LRP1B: variants seen among roughly 807,000 people sequenced by gnomAD.
LRP1B encodes low-density lipoprotein receptor-related protein 1B.
A neutral mutation model predicts 556.6 loss-of-function variants in LRP1B; 217 were observed. The ratio of observed to expected loss-of-function variants is 0.39; its 90% CI spans 0.35 to 0.44. The LOEUF is 0.44. Ranked by LOEUF, LRP1B falls within the 20% of genes least tolerant of loss-of-function variation. LRP1B has a pLI of 1.00. For missense variants in LRP1B, 5,053 were observed against 5,620.8 expected (o/e 0.90, Z 3.23); for synonymous variants, 2,047 against 1,865.8 (o/e 1.10, Z -2.50).
At chr2:140,420,890 T>C (rs765127936) in intron 66 of LRP1B, among the ~76,000 whole-genome samples, 29 of 152,162 alleles carry the variant, frequency 1.9e-4, no homozygotes, top group Non-Finnish European at 3.2e-4. Context: ...AAGTCCGTTA[T>C]CTTGATTGTG....
At chr2:141,512,978 A>C (rs1048743055) in intron 2 of LRP1B, among the ~76,000 whole-genome samples, 1 of 152,118 alleles carries the variant, frequency 6.6e-6, no homozygotes, top group African/African-American at 2.4e-5. Context: ...GGAACTCCTA[A>C]AACCATCAAA....
At chr2:141,183,790 T>G (rs1681116559) in intron 7 of LRP1B, among the ~76,000 whole-genome samples, 1 of 152,076 alleles carries the variant, frequency 6.6e-6, no homozygotes, top group Non-Finnish European at 1.5e-5. Context: ...AACCTGGGTT[T>G]TATCAATGGT....
intron 2 of LRP1B, among the ~76,000 whole-genome samples, chr2:141,773,505 A>T (rs1298913922): frequency 6.6e-6 from 1 of 152,236 alleles, no homozygotes; most frequent in African/African-American, 2.4e-5. Flanking sequence ...ACTACAAAGT[A>T]GCAAAGGATC....
rs183256222 is a variant in LRP1B at position 140,235,859 on chromosome 2, T to C, written c.13561-975A>G. Among the ~76,000 whole-genome samples, 138 of 151,136 alleles carry C rather than the reference T, an allele frequency of 9.1e-4. 4 individuals carry two copies. The East Asian group carries it at 0.025, about 27-fold the overall frequency. On this transcript the variant is annotated intron_variant, in intron 89 of 90. Coordinates refer to ENST00000389484, the MANE Select transcript of LRP1B (RefSeq NM_018557.3). Reference sequence around the variant, plus strand: ...AATGTGTAAAGTATATCGTCATTAGTCTGTTATATGTATGAATACTATATT... The same window carrying C: ...AATGTGTAAAGTATATCGTCATTAGCCTGTTATATGTATGAATACTATATT...
intron 1 of LRP1B, among the ~76,000 whole-genome samples, chr2:142,036,644 T>C (rs1703892121): frequency 6.6e-6 from 1 of 151,710 alleles, no homozygotes; most frequent in Non-Finnish European, 1.5e-5. Flanking sequence ...ATTTTATACA[T>C]TGCATTTTTT....
intron 2 of LRP1B, among the ~76,000 whole-genome samples, chr2:141,633,201 G>A (rs1457148919): frequency 6.6e-6 from 1 of 152,142 alleles, no homozygotes; most frequent in Non-Finnish European, 1.5e-5. Flanking sequence ...AAAGGAGAAA[G>A]CTTTTCAAAT....
intron 31 of LRP1B, among the ~76,000 whole-genome samples, chr2:140,824,126 AAAT>A (rs1691424251): frequency 3.6e-5 from 2 of 55,746 alleles, no homozygotes; most frequent in African/African-American, 7.6e-5. Context: ...GAATTTAAAA[AAAT>A]AAAAAAAAAT....
chr2:141,896,035 A>G (rs1469704235), intron 1 of LRP1B, among the ~76,000 whole-genome samples: 1 of 152,178 alleles, frequency 6.6e-6, no homozygotes, highest in African/African-American at 2.4e-5. Flanking sequence ...TGCTAACAGA[A>G]AAGTTTCCAA....
chr2:141,407,752 G>A (rs979254112), intron 3 of LRP1B, among the ~76,000 whole-genome samples: 2 of 152,176 alleles, frequency 1.3e-5, no homozygotes, highest in African/African-American at 4.8e-5. Context: ...AAGGCTTGAA[G>A]AACTTTGAAC....
Position 141,003,529 on chromosome 2 carries a change from A to C in LRP1B, c.2503+1806T>G, listed in dbSNP as rs112683055. On this transcript the variant is annotated intron_variant, in intron 15 of 90. Coordinates refer to ENST00000389484, the MANE Select transcript of LRP1B (RefSeq NM_018557.3). ...AAGTCTTTCTCATGTTGTTCTCATG[A>C]TAATGAATAAGACTCATGAGATCTG... Among the ~76,000 whole-genome samples, 481 of 152,176 alleles carry C rather than the reference A, an allele frequency of 3.2e-3. 3 individuals are homozygous for C. Among genetic ancestry groups the C allele is most frequent in the African/African-American group, 0.01 (422 of 41,546 alleles).
At chr2:140,402,091 C>T (rs73964214) in intron 66 of LRP1B, among the ~76,000 whole-genome samples, 27,143 of 152,126 alleles carry the variant, frequency 0.18, 2,539 homozygotes, top group East Asian at 0.32. Flanking sequence ...GGGAGTCTCA[C>T]TGGATAGCTA....
chr2:140,807,925 C>T (rs1690779860), intron 32 of LRP1B, among the ~76,000 whole-genome samples: 1 of 151,992 alleles, frequency 6.6e-6, no homozygotes, highest in South Asian at 2.1e-4. Flanking sequence ...AACCCCGTCT[C>T]TACTGAAAAT....
intron 3 of LRP1B, among the ~76,000 whole-genome samples, chr2:141,403,181 T>A (rs910516350): frequency 6.6e-6 from 1 of 152,060 alleles, no homozygotes; most frequent in Non-Finnish European, 1.5e-5. Context: ...GTCACCTATG[T>A]AGTTGGGGAA....
intron 3 of LRP1B, among the ~76,000 whole-genome samples, chr2:141,406,547 C>CT (rs1165187353): frequency 3.3e-5 from 5 of 149,310 alleles, no homozygotes; most frequent in Admixed American, 6.7e-5. Context: ...ATCTATCTAT[C>CT]ATCTATCTAT....
At chr2:141,934,772 G>A (rs1239883592) in intron 1 of LRP1B, among the ~76,000 whole-genome samples, 3 of 152,112 alleles carry the variant, frequency 2.0e-5, no homozygotes, top group Admixed American at 6.6e-5. Context: ...GAATAAGGAC[G>A]TGTTTGCTTA....
intron 83 of LRP1B, among the ~76,000 whole-genome samples, chr2:140,304,068 A>G (rs1196114328): frequency 6.6e-6 from 1 of 152,154 alleles, no homozygotes; most frequent in Non-Finnish European, 1.5e-5. Flanking sequence ...GTTGATGGAC[A>G]TTTGCGTTGG....
intron 1 of LRP1B, among the ~76,000 whole-genome samples, chr2:142,083,636 A>G (rs1705801487): frequency 1.3e-5 from 2 of 152,214 alleles, no homozygotes; most frequent in African/African-American, 4.8e-5. Context: ...AACTGTAATT[A>G]ATTTCCTGAT....
At chr2:142,077,430 A>C (rs1367119755) in intron 1 of LRP1B, among the ~76,000 whole-genome samples, 1 of 152,122 alleles carries the variant, frequency 6.6e-6, no homozygotes, top group African/African-American at 2.4e-5. Flanking sequence ...GTGTTCTGCA[A>C]ATGAATATAA....
chr2:141,757,667 G>A (rs899666134), intron 2 of LRP1B, among the ~76,000 whole-genome samples: 6 of 151,982 alleles, frequency 3.9e-5, no homozygotes, highest in East Asian at 1.9e-4. Flanking sequence ...CCAAATAGCC[G>A]GGACTACAGG....
Sources: gnomAD v4.1 joint callset for allele counts (sites outside exome capture counted in the v4.1 genomes callset) on GRCh38, gnomAD v4.1.1 for gene constraint, MANE v1.5 for transcripts, NCBI Gene and HGNC (gene_info 2026-07-23, HGNC 2026-07-21) for gene names.